DKK2: variants seen among roughly 807,000 people sequenced by gnomAD.
The protein encoded by DKK2 is dickkopf Wnt signaling pathway inhibitor 2.
DKK2 carries 11 observed loss-of-function variants against 28.1 expected under a neutral mutation model. The observed-to-expected ratio is 0.39, with a 90% confidence interval of 0.25 to 0.65. The LOEUF (loss-of-function observed/expected upper bound fraction) is 0.65. Ranked by LOEUF, DKK2 falls within the 30% of genes least tolerant of loss-of-function variation. The pLI, the probability that DKK2 is intolerant of heterozygous loss-of-function variation, is 0.47. For synonymous variants in DKK2, 135 were observed against 126.5 expected (o/e 1.07, Z -0.45); for missense variants, 326 against 335.5 (o/e 0.97, Z 0.22).
intron 1 of DKK2, among the ~76,000 whole-genome samples, chr4:106,966,980 T>A (rs1309759455): frequency 1.3e-5 from 2 of 152,168 alleles, no homozygotes; most frequent in African/African-American, 4.8e-5. Flanking sequence ...ATTACTATAG[T>A]TCATTTGTAT....
Position 106,925,792 on chromosome 4 carries a change from C to A in DKK2, c.373+7G>T. 1 of 1,604,110 alleles carries A rather than the reference C, an allele frequency of 6.2e-7. No individual in the cohort carries two copies. Among genetic ancestry groups the A allele is most frequent in the Non-Finnish European group, 8.5e-7 (1 of 1,176,088 alleles). On this transcript the variant is annotated splice_region_variant and intron_variant, in intron 2 of 3. Coordinates refer to ENST00000285311, the MANE Select transcript of DKK2 (RefSeq NM_014421.3). ...GAGGCCCATTAACACTTAGTGAGATCTTTTACCATTATTGCAGCGGGTACT... is the reference window on the plus strand; with the variant it reads ...GAGGCCCATTAACACTTAGTGAGATATTTTACCATTATTGCAGCGGGTACT...
intron 1 of DKK2, among the ~76,000 whole-genome samples, chr4:107,032,546 G>A (rs13136418): frequency 0.39 from 58,897 of 151,782 alleles, 12,518 homozygotes; most frequent in Non-Finnish European, 0.49. Context: ...TTCTGCAGTG[G>A]CAATATTTAA....
At chr4:107,024,771 A>G (rs1414423465) in intron 1 of DKK2, among the ~76,000 whole-genome samples, 1 of 152,226 alleles carries the variant, frequency 6.6e-6, no homozygotes, top group African/African-American at 2.4e-5. Flanking sequence ...ACGGTGTTAT[A>G]CAATTTATTT....
intron 1 of DKK2, among the ~76,000 whole-genome samples, chr4:106,958,652 A>G (rs1722637445): frequency 6.6e-6 from 1 of 151,970 alleles, no homozygotes; most frequent in African/African-American, 2.4e-5. Flanking sequence ...TCTGGCCAAC[A>G]TGGTGAAACC....
At chr4:107,020,286 A>G (rs1364590108) in intron 1 of DKK2, among the ~76,000 whole-genome samples, 1 of 152,084 alleles carries the variant, frequency 6.6e-6, no homozygotes, top group African/African-American at 2.4e-5. Flanking sequence ...AAAATGTTAC[A>G]ATGCATTGCA....
chr4:107,035,728 C>T lies in DKK2; in HGVS notation c.-137G>A. 1.2e-6 allele frequency: 1 copy of T among 848,906 alleles called. No homozygotes were observed. Among genetic ancestry groups the T allele is most frequent in the Non-Finnish European group, 1.8e-6 (1 of 546,398 alleles). The allele number at this position is 848,906 out of a possible 1,614,324, so 52.6% of individuals were successfully genotyped here. Reference sequence around the variant, plus strand: ...TGTGTTCCCTCAACCCTTCCTGGTTCGGGGACCCAGGACCCTATGAACTCA... The same window carrying T: ...TGTGTTCCCTCAACCCTTCCTGGTTTGGGGACCCAGGACCCTATGAACTCA... On this transcript the variant is annotated 5_prime_UTR_variant, in exon 1 of 4. Coordinates refer to ENST00000285311, the MANE Select transcript of DKK2 (RefSeq NM_014421.3).
intron 1 of DKK2, among the ~76,000 whole-genome samples, chr4:107,012,613 G>A (rs372345542): frequency 1.3e-5 from 2 of 151,240 alleles, no homozygotes; most frequent in East Asian, 1.9e-4. Flanking sequence ...TATTCCAGAA[G>A]GTGGGGAAGT....
intron 1 of DKK2, among the ~76,000 whole-genome samples, chr4:107,006,665 A>C (rs1239723884): frequency 2.6e-5 from 4 of 152,118 alleles, no homozygotes; most frequent in Non-Finnish European, 4.4e-5. Context: ...CCTTCCCCAC[A>C]CCCACACTGC....
At chr4:106,959,260 C>T (rs1255061224) in intron 1 of DKK2, among the ~76,000 whole-genome samples, 1 of 151,920 alleles carries the variant, frequency 6.6e-6, no homozygotes, top group Non-Finnish European at 1.5e-5. Context: ...CCCAAATATC[C>T]ACATCACCAA....
intron 1 of DKK2, among the ~76,000 whole-genome samples, chr4:106,963,516 C>T (rs1190420914): frequency 6.6e-6 from 1 of 151,966 alleles, no homozygotes; most frequent in Non-Finnish European, 1.5e-5. Flanking sequence ...GGATTTTATC[C>T]AATAGACTGG....
At chr4:107,015,466 CAT>C (rs1035963011) in intron 1 of DKK2, among the ~76,000 whole-genome samples, 2 of 151,594 alleles carry the variant, frequency 1.3e-5, no homozygotes, top group African/African-American at 4.8e-5. Context: ...AATCTTTAGA[CAT>C]ACAGGATTTG....
At chr4:106,961,674 G>A (rs1282923860) in intron 1 of DKK2, among the ~76,000 whole-genome samples, 1 of 151,800 alleles carries the variant, frequency 6.6e-6, no homozygotes, top group Non-Finnish European at 1.5e-5. Context: ...TTGTGCTGCT[G>A]ACATTAACAA....
chr4:106,925,213 A>G (rs1433062388), intron 2 of DKK2, among the ~76,000 whole-genome samples: 1 of 152,190 alleles, frequency 6.6e-6, no homozygotes, highest in Non-Finnish European at 1.5e-5. Flanking sequence ...ATGTTGTTTT[A>G]TATGATTAAG....
At chr4:106,966,835 C>T (rs2110352619) in intron 1 of DKK2, among the ~76,000 whole-genome samples, 1 of 152,264 alleles carries the variant, frequency 6.6e-6, no homozygotes, top group South Asian at 2.1e-4. Flanking sequence ...ATCACGAGAA[C>T]AGTGCAGGAA....
chr4:106,931,429 G>A (rs1444278460), intron 1 of DKK2, among the ~76,000 whole-genome samples: 1 of 151,676 alleles, frequency 6.6e-6, no homozygotes, highest in Non-Finnish European at 1.5e-5. Flanking sequence ...AAATAATTTT[G>A]AAAAAAACAT....
chr4:106,949,190 C>T (rs978096457), intron 1 of DKK2, among the ~76,000 whole-genome samples: 18 of 152,168 alleles, frequency 1.2e-4, no homozygotes, highest in Non-Finnish European at 2.2e-4. Context: ...AACAGTAGGG[C>T]TGACAATGTC....
intron 1 of DKK2, among the ~76,000 whole-genome samples, chr4:106,996,269 T>C (rs1028539635): frequency 2.6e-5 from 4 of 152,142 alleles, no homozygotes; most frequent in African/African-American, 9.7e-5. Context: ...ACAATTCAAC[T>C]TAAGAAAGAC....
chr4:106,929,671 C>T lies in DKK2; in HGVS notation c.223-3722G>A, dbSNP rs1352844084. Among the ~76,000 whole-genome samples, 4 of 152,238 alleles carry T rather than the reference C, an allele frequency of 2.6e-5. No homozygotes were observed. In the South Asian group the frequency reaches 6.2e-4, roughly 24 times the overall value. ...GTGTTACTTATTATTACAACCATGA[C>T]ATGAACTAAAAGAAGAAAAACACAT... On this transcript the variant is annotated intron_variant, in intron 1 of 3. Transcript: ENST00000285311.
chr4:107,009,480 C>A (rs1723485280), intron 1 of DKK2, among the ~76,000 whole-genome samples: 1 of 151,704 alleles, frequency 6.6e-6, no homozygotes, highest in African/African-American at 2.4e-5. Flanking sequence ...AAACAAAAAT[C>A]TGAATAAAAC....
Sources: allele counts gnomAD v4.1 joint callset (sites outside exome capture counted in the v4.1 genomes callset), GRCh38; gene constraint gnomAD v4.1.1; transcripts MANE v1.5; gene names NCBI Gene and HGNC (gene_info 2026-07-23, HGNC 2026-07-21).